The following IL10 variants were observed in gnomAD, a reference collection of about 807,000 sequenced individuals.
IL10 encodes the protein interleukin-10.
A neutral mutation model predicts 21.0 loss-of-function variants in IL10; 7 were observed. The ratio of observed to expected loss-of-function variants is 0.33; its 90% CI spans 0.19 to 0.63. The LOEUF is 0.63. Ranked by LOEUF, IL10 falls within the 20% of genes least tolerant of loss-of-function variation. IL10 has a pLI of 0.77. For synonymous variants in IL10, 83 were observed against 79.7 expected (o/e 1.04, Z -0.22); for missense variants, 161 against 213.0 (o/e 0.76, Z 1.52).
rs1384139636 is a variant in IL10 at position 206,772,462 on chromosome 1, G to A, written c.-27C>T. The A allele has an allele frequency of 3.1e-6, 5 of 1,612,690 alleles. No individual in the cohort carries two copies. Among genetic ancestry groups the A allele is most frequent in the Non-Finnish European group, 4.2e-6 (5 of 1,179,798 alleles). On this transcript the variant is annotated 5_prime_UTR_variant, in exon 1 of 5. Coordinates refer to ENST00000423557, the MANE Select transcript of IL10 (RefSeq NM_000572.3). ...CCTTCTTTTGCAAGTCTGTCTTGTG[G>A]TTTGGTTTTGCAAGAGCAAGCCCCT...
At chr1:206,772,235 A>G in intron 1 of IL10, 36 bp downstream of exon 1, 1 of 1,593,562 alleles carries the variant, frequency 6.3e-7, no homozygotes, top group Non-Finnish European at 8.6e-7. Flanking sequence ...AGGCAGTCCC[A>G]GGAAGAGAGA....
rs564250212 is a variant in IL10, at chr1:206,768,583, T to C, written c.*53A>G. The C allele has an allele frequency of 2.9e-6, 3 of 1,045,726 alleles. No homozygotes were observed. The highest frequency in any genetic ancestry group is 1.6e-5 in the African/African-American group (1 of 63,966). 64.8% of individuals were successfully genotyped at this position (1,045,726 alleles called of 1,614,324 possible). ...CTATCCCAGAGCCCCAGATCCGATT[T>C]TGGAGACCTCTAATTTATGTCCTAG... On this transcript the variant is annotated 3_prime_UTR_variant, in exon 5 of 5. Coordinates refer to ENST00000423557, the MANE Select transcript of IL10 (RefSeq NM_000572.3).
chr1:206,768,626 C>T lies in IL10; in HGVS notation c.*10G>A. 6.5e-7 allele frequency: 1 copy of T among 1,529,272 alleles called. No individual in the cohort carries two copies. Among genetic ancestry groups the T allele is most frequent in the African/African-American group, 1.4e-5 (1 of 73,350 alleles). 94.7% of individuals were successfully genotyped at this position (1,529,272 alleles called of 1,614,324 possible). A position where few individuals can be genotyped will look rare whatever the true frequency, so the allele number is the denominator to read the frequency against. On this transcript the variant is annotated 3_prime_UTR_variant, in exon 5 of 5. Transcript: ENST00000423557. ...TGTCCTAGAGTCTATAGAGTCGCCA[C>T]CCTGATGTCTCAGTTTCGTATCTTC... is the stretch of plus-strand genomic sequence containing the variant.
chr1:206,768,622 G>A lies in IL10; in HGVS notation c.*14C>T, dbSNP rs199529163. 43 of 1,492,168 alleles carry A rather than the reference G, an allele frequency of 2.9e-5. No individual in the cohort carries two copies. Among genetic ancestry groups the A allele is most frequent in the Non-Finnish European group, 3.4e-5 (36 of 1,069,360 alleles). The allele number at this position is 1,492,168 out of a possible 1,614,324, so 92.4% of individuals were successfully genotyped here. ...TTTATGTCCTAGAGTCTATAGAGTC[G>A]CCACCCTGATGTCTCAGTTTCGTAT... On this transcript the variant is annotated 3_prime_UTR_variant, in exon 5 of 5. Coordinates refer to ENST00000423557, the MANE Select transcript of IL10 (RefSeq NM_000572.3).
At chr1:206,768,928 C>T (rs1674742004) in intron 4 of IL10, among the ~76,000 whole-genome samples, 200 bp from the exon 5 acceptor site, 1 of 152,116 alleles carries the variant, frequency 6.6e-6, no homozygotes, top group African/African-American at 2.4e-5. Flanking sequence ...CAGGCCTCCC[C>T]CTAGCAAGGG....
intron 1 of IL10, among the ~76,000 whole-genome samples, chr1:206,772,044 A>G (rs894965184): frequency 4.6e-5 from 7 of 152,212 alleles, no homozygotes; most frequent in African/African-American, 1.7e-4. Flanking sequence ...GAGAGAACGC[A>G]TTTACTTTAT....
In IL10 at chr1:206,769,859, G is replaced by T; in HGVS notation, c.414C>A (p.Ala138=). ...RFLPCENKSK[A]VEQVKNAFNK... is the part of the protein sequence containing the mutation. ...TAAAGGCATTCTTCACCTGCTCCAC[G>T]GCCTTGCTCTTGTTTTCACAGGGAA... Residue 138 remains alanine (A), a synonymous_variant, in exon 4 of 5, where the codon GCC becomes GCA. Coordinates refer to ENST00000423557, the MANE Select transcript of IL10 (RefSeq NM_000572.3). The T allele has an allele frequency of 6.2e-7, 1 of 1,613,978 alleles. No homozygotes were observed. Among genetic ancestry groups the T allele is most frequent in the Non-Finnish European group, 8.5e-7 (1 of 1,179,886 alleles).
intron 1 of IL10, among the ~76,000 whole-genome samples, 190 bp from the exon 2 acceptor site, chr1:206,771,605 C>T (rs754505107): frequency 1.3e-5 from 2 of 152,126 alleles, no homozygotes; most frequent in Non-Finnish European, 2.9e-5. Flanking sequence ...ATCAGGTCCT[C>T]CTCCTCAGAG....
chr1:206,769,089 C>A lies in IL10; in HGVS notation c.445-361G>T, dbSNP rs45483192. Among the ~76,000 whole-genome samples, 508 of 152,264 alleles carry A rather than the reference C, an allele frequency of 3.3e-3. 7 individuals carry two copies. The highest frequency in any genetic ancestry group is 0.014 in the Middle Eastern group (4 of 294). ...AAGACGGTGAGAGGAGAGGAGGGAGCCTTTTAAATGTCTGTGTTCTCCCAC... is the reference window on the plus strand; with the variant it reads ...AAGACGGTGAGAGGAGAGGAGGGAGACTTTTAAATGTCTGTGTTCTCCCAC... On this transcript the variant is annotated intron_variant, in intron 4 of 4. Transcript: ENST00000423557.
At chr1:206,771,311 T>C (rs1674830811) in intron 2 of IL10, 45 bp downstream of exon 2, 2 of 1,551,138 alleles carry the variant, frequency 1.3e-6, no homozygotes, top group Non-Finnish European at 1.8e-6. Context: ...CTCCCTTCCC[T>C]TAATCATGCT....
Position 206,769,606 on chromosome 1 carries a change from C to A in IL10, c.444+223G>T, listed in dbSNP as rs1392430004. 9.9e-6 allele frequency: 6 copies of A among 605,218 alleles called. No individual in the cohort carries two copies. In the East Asian group the frequency reaches 1.1e-4, roughly 11 times the overall value. The allele number at this position is 605,218 out of a possible 1,614,324, so 37.5% of individuals were successfully genotyped here. A position where few individuals can be genotyped will look rare whatever the true frequency, so the allele number is the denominator to read the frequency against. ...CTAACCCGCAAGCCTGCAAAGGCAG[C>A]GAGCAGTCATTTAGAAACCCCCAAA... On this transcript the variant is annotated intron_variant, in intron 4 of 4. Coordinates refer to ENST00000423557, the MANE Select transcript of IL10 (RefSeq NM_000572.3).
At chr1:206,771,817 G>A (rs1033444036) in intron 1 of IL10, among the ~76,000 whole-genome samples, 3 of 152,126 alleles carry the variant, frequency 2.0e-5, no homozygotes, top group African/African-American at 7.2e-5. Context: ...AAGATCCCAG[G>A]GATTAAGAAG....
Position 206,770,891 on chromosome 1 carries a change from C to A in IL10, c.378+16G>T, listed in dbSNP as rs371748044. ...TTGGGGGCAGCTGCAAGGGAAAAAA[C>A]TGATCTGCTACTTACACAGCGCCGT... On this transcript the variant is annotated intron_variant, in intron 3 of 4. Coordinates refer to ENST00000423557, the MANE Select transcript of IL10 (RefSeq NM_000572.3). 6.2e-7 allele frequency: 1 copy of A among 1,613,848 alleles called. No homozygotes were observed. The highest frequency in any genetic ancestry group is 1.1e-5 in the South Asian group (1 of 91,070).
intron 4 of IL10, 126 bp downstream of exon 4, chr1:206,769,703 A>G (rs1422926979): frequency 5.2e-6 from 4 of 775,802 alleles, no homozygotes; most frequent in African/African-American, 1.7e-5. Flanking sequence ...ACCATCTGTC[A>G]GGTTCCCACA....
chr1:206,770,890 A>G lies in IL10; in HGVS notation c.378+17T>C. 1 of 1,613,718 alleles carries G rather than the reference A, an allele frequency of 6.2e-7. No individual in the cohort carries two copies. The highest frequency in any genetic ancestry group is 1.1e-5 in the South Asian group (1 of 91,066). On this transcript the variant is annotated intron_variant, in intron 3 of 4. Coordinates refer to ENST00000423557, the MANE Select transcript of IL10 (RefSeq NM_000572.3). ...TTTGGGGGCAGCTGCAAGGGAAAAA[A>G]CTGATCTGCTACTTACACAGCGCCG...
At chr1:206,769,440 T>A (rs887871531) in intron 4 of IL10, among the ~76,000 whole-genome samples, 2 of 152,248 alleles carry the variant, frequency 1.3e-5, no homozygotes, top group African/African-American at 4.8e-5. Flanking sequence ...CAGGTGTATT[T>A]GTATGTGCAC....
Position 206,768,457 on chromosome 1 carries a change from A to C in IL10, c.*179T>G, listed in dbSNP as rs564663343. 1 of 599,238 alleles carries C rather than the reference A, an allele frequency of 1.7e-6. No homozygotes were observed. The allele number at this position is 599,238 out of a possible 1,614,324, so 37.1% of individuals were successfully genotyped here. A position where few individuals can be genotyped will look rare whatever the true frequency, so the allele number is the denominator to read the frequency against. ...TTGGGCTTCTTTCTAAATCGTTCAC[A>C]GAGAAGCTCAGTAAATAAATAGAAA... On this transcript the variant is annotated 3_prime_UTR_variant, in exon 5 of 5. Coordinates refer to ENST00000423557, the MANE Select transcript of IL10 (RefSeq NM_000572.3).
intron 2 of IL10, 91 bp downstream of exon 2, chr1:206,771,265 A>C (rs1400547981): frequency 7.7e-7 from 1 of 1,306,800 alleles, no homozygotes; most frequent in African/African-American, 1.5e-5. Context: ...AAAGCGAAGG[A>C]AACAAACCCA....
At chr1:206,770,882 G>A (rs1674809240) in intron 3 of IL10, 25 bp downstream of exon 3, 1 of 1,612,608 alleles carries the variant, frequency 6.2e-7, no homozygotes, top group Non-Finnish European at 8.5e-7. Context: ...GCAGCTGCAA[G>A]GGAAAAAACT....
Sources: gnomAD v4.1 joint callset for allele counts (sites outside exome capture counted in the v4.1 genomes callset) on GRCh38, gnomAD v4.1.1 for gene constraint, MANE v1.5 for transcripts, NCBI Gene and HGNC (gene_info 2026-07-23, HGNC 2026-07-21) for gene names.